Variants in DHX8 observed in about 807,000 individuals in gnomAD.
DHX8 encodes DEAH-box helicase 8.
Under a neutral mutation model 140.7 loss-of-function variants are expected in DHX8, and 67 were observed. The ratio of observed to expected loss-of-function variants is 0.48; its 90% CI spans 0.39 to 0.58. The LOEUF (loss-of-function observed/expected upper bound fraction) is 0.58, where lower values mean the gene tolerates loss of function less well. Ranked by LOEUF, DHX8 falls within the 20% of genes least tolerant of loss-of-function variation. The pLI is 0.00. For synonymous variants in DHX8, 533 were observed against 553.2 expected (o/e 0.96, Z 0.51); for missense variants, 887 against 1,550.7 (o/e 0.57, Z 7.19).
Position 43,484,031 on chromosome 17 carries a change from T to C in DHX8, c.-7T>C, listed in dbSNP as rs2154586187. ...GTGAGGAAGGAGGTTCTGGGCAAGCTATAGCCATGGCTGTGGCTGTAGCCA... is the reference window on the plus strand; with the variant it reads ...GTGAGGAAGGAGGTTCTGGGCAAGCCATAGCCATGGCTGTGGCTGTAGCCA... On this transcript the variant is annotated 5_prime_UTR_variant, in exon 1 of 23. Transcript: ENST00000262415. 6.2e-7 allele frequency: 1 copy of C among 1,614,060 alleles called. No individual in the cohort carries two copies. Among genetic ancestry groups the C allele is most frequent in the South Asian group, 1.1e-5 (1 of 91,076 alleles).
At chr17:43,533,760 A>C in intron 2 of DHX8, 1 of 1,461,130 alleles carries the variant, frequency 6.8e-7, no homozygotes, top group African/African-American at 1.4e-5. Flanking sequence ...TCTGTTGTCT[A>C]ACTTGCATCT....
At chr17:43,485,695 C>G (rs1406630362) in intron 1 of DHX8, among the ~76,000 whole-genome samples, 1 of 151,922 alleles carries the variant, frequency 6.6e-6, no homozygotes, top group Non-Finnish European at 1.5e-5. Flanking sequence ...ATACCTTGGC[C>G]TTTTAGAAGA....
At chr17:43,485,251 A>G (rs1009305793) in intron 1 of DHX8, among the ~76,000 whole-genome samples, 1 of 152,210 alleles carries the variant, frequency 6.6e-6, no homozygotes, top group African/African-American at 2.4e-5. Context: ...AGTTTCCTAA[A>G]TGAAGATAAA....
chr17:43,489,592 T>C, intron 2 of DHX8, 58 bp downstream of exon 2: 1 of 1,340,774 alleles, frequency 7.5e-7, no homozygotes, highest in Non-Finnish European at 1.1e-6. Context: ...TATGTTTGTT[T>C]GTTTGTTTTT....
chr17:43,493,338 C>A, intron 6 of DHX8, 107 bp from the exon 7 acceptor site: 1 of 1,446,192 alleles, frequency 6.9e-7, no homozygotes. Context: ...TGGTACTTTT[C>A]TCTTGAGTTT....
chr17:43,496,134 T>A, intron 8 of DHX8, 47 bp from the exon 9 acceptor site: 2 of 1,474,034 alleles, frequency 1.4e-6, no homozygotes, highest in Non-Finnish European at 1.9e-6. Context: ...AAAAAAAAAG[T>A]TTTGATCTTA....
At chr17:43,527,006 G>A (rs1165939103), downstream of DHX8, among the ~76,000 whole-genome samples, 5 of 152,094 alleles carry the variant, frequency 3.3e-5, no homozygotes, top group African/African-American at 9.7e-5. Context: ...CTATTTAACA[G>A]GAGAGCACCG....
chr17:43,529,884 CT>C (rs1970804556), downstream of DHX8: 1 of 1,614,062 alleles, frequency 6.2e-7, no homozygotes, highest in Admixed American at 1.7e-5. Flanking sequence ...CTTCTCTGAC[CT>C]TCAAATTTCT....
At chr17:43,496,526 C>T (rs1335275001) in intron 9 of DHX8, among the ~76,000 whole-genome samples, 2 of 151,978 alleles carry the variant, frequency 1.3e-5, no homozygotes, top group Admixed American at 6.6e-5. Flanking sequence ...GCCTGTAATC[C>T]CAGCACTTTG....
Position 43,522,028 on chromosome 17 carries a change from T to G in DHX8, c.3264-19T>G. The G allele has an allele frequency of 6.2e-7, 1 of 1,612,482 alleles. No homozygotes were observed. ...TGTGAAAGCTGAGTGGGCTCATATCTTTTGTCCTATCTTGATAGACACAAG... is the reference window on the plus strand; with the variant it reads ...TGTGAAAGCTGAGTGGGCTCATATCGTTTGTCCTATCTTGATAGACACAAG... On this transcript the variant is annotated intron_variant, in intron 21 of 22. Coordinates refer to ENST00000262415, the MANE Select transcript of DHX8 (RefSeq NM_004941.3).
At chr17:43,543,534 A>C (rs1043778250) in intron 3 of DHX8, among the ~76,000 whole-genome samples, 5 of 152,160 alleles carry the variant, frequency 3.3e-5, no homozygotes, top group Admixed American at 2.6e-4. Flanking sequence ...ACAGGCAAGG[A>C]ATGAAGCCCG....
At chr17:43,526,024 A>G (rs1970602457), downstream of DHX8, 3 of 985,228 alleles carry the variant, frequency 3.0e-6, no homozygotes, top group Non-Finnish European at 3.6e-6. Context: ...CCATCTCTCT[A>G]CGCTAGAGCT....
chr17:43,528,401 G>T (rs941077799), downstream of DHX8: 3 of 698,664 alleles, frequency 4.3e-6, no homozygotes, highest in African/African-American at 5.4e-5. Flanking sequence ...TGGTAGGACA[G>T]TGGGGATCTG....
At chr17:43,507,788 C>G in intron 14 of DHX8, 21 bp from the exon 15 acceptor site, 1 of 1,613,792 alleles carries the variant, frequency 6.2e-7, no homozygotes, top group Non-Finnish European at 8.5e-7. Flanking sequence ...TTTCAGTAAG[C>G]CACATAATAT....
chr17:43,500,172 C>A, intron 11 of DHX8, 69 bp downstream of exon 11: 1 of 1,520,788 alleles, frequency 6.6e-7, no homozygotes, highest in South Asian at 1.2e-5. Context: ...AGGGAGGGGT[C>A]ACTCCCGGCA....
chr17:43,526,266 C>T, downstream of DHX8: 1 of 1,320,934 alleles, frequency 7.6e-7, no homozygotes, highest in Non-Finnish European at 9.7e-7. Flanking sequence ...GGGTCTCATG[C>T]AGAGAGCTGG....
At chr17:43,532,218 G>A (rs983924840) in intron 2 of DHX8, among the ~76,000 whole-genome samples, 1 of 152,180 alleles carries the variant, frequency 6.6e-6, no homozygotes, top group Non-Finnish European at 1.5e-5. Flanking sequence ...GTAATAATTT[G>A]TCCGGGTGAG....
Position 43,498,843 on chromosome 17 carries a change from C to A in DHX8, c.1301-19C>A. 4 of 1,576,130 alleles carry A rather than the reference C, an allele frequency of 2.5e-6. No homozygotes were observed. The highest frequency in any genetic ancestry group is 1.1e-5 in the South Asian group (1 of 86,976). ...TTTTTCTTGTTTATGGCTAATTCTT[C>A]TTTTGGGGGGACTTTTAGATGAGGA... On this transcript the variant is annotated intron_variant, in intron 9 of 22. Transcript: ENST00000262415.
At chr17:43,495,014 A>G (rs1324350389) in intron 8 of DHX8, among the ~76,000 whole-genome samples, 3 of 151,542 alleles carry the variant, frequency 2.0e-5, no homozygotes, top group African/African-American at 4.8e-5. Context: ...GGGTTTCACC[A>G]TGTTGGCCAG....
Sources: allele counts gnomAD v4.1 joint callset (sites outside exome capture counted in the v4.1 genomes callset), GRCh38; gene constraint gnomAD v4.1.1; transcripts MANE v1.5; gene names NCBI Gene and HGNC (gene_info 2026-07-23, HGNC 2026-07-21).